TRPM3: variants seen among roughly 807,000 people sequenced by gnomAD.
The protein encoded by TRPM3 is transient receptor potential cation channel subfamily M member 3.
TRPM3 carries 77 observed loss-of-function variants against 181.2 expected under a neutral mutation model. That is an observed-to-expected ratio of 0.42 (90% CI 0.35 to 0.51). The LOEUF (loss-of-function observed/expected upper bound fraction) is 0.51, where lower values mean the gene tolerates loss of function less well. TRPM3 is among the 20% of genes least tolerant of loss of function. The pLI, the probability that TRPM3 is intolerant of heterozygous loss-of-function variation, is 0.01. For missense variants in TRPM3, 1,759 were observed against 2,196.7 expected (o/e 0.80, Z 3.98); for synonymous variants, 745 against 796.4 (o/e 0.94, Z 1.09).
intron 1 of TRPM3, among the ~76,000 whole-genome samples, chr9:71,227,975 C>T (rs528893623): frequency 6.6e-6 from 1 of 152,252 alleles, no homozygotes; most frequent in East Asian, 1.9e-4. Context: ...TATTTTCAAA[C>T]TCATTCTATG....
At chr9:70,753,134 T>A (rs945134488) in intron 8 of TRPM3, among the ~76,000 whole-genome samples, 5 of 152,048 alleles carry the variant, frequency 3.3e-5, no homozygotes, top group Non-Finnish European at 5.9e-5. Flanking sequence ...TACACTATGA[T>A]GTTCACACAA....
At chr9:71,191,698 G>T (rs184291175) in intron 1 of TRPM3, among the ~76,000 whole-genome samples, 1 of 151,262 alleles carries the variant, frequency 6.6e-6, no homozygotes, top group African/African-American at 2.4e-5. Context: ...ATTTGGAGTA[G>T]TTCTTTTTAA....
intron 22 of TRPM3, among the ~76,000 whole-genome samples, chr9:70,558,349 C>A (rs1402867166): frequency 6.6e-6 from 1 of 152,184 alleles, no homozygotes; most frequent in African/African-American, 2.4e-5. Context: ...CAATTACCCC[C>A]ACCTCTAGCC....
chr9:71,369,513 C>A (rs1375145837), intron 1 of TRPM3, among the ~76,000 whole-genome samples: 1 of 151,990 alleles, frequency 6.6e-6, no homozygotes, highest in Non-Finnish European at 1.5e-5. Flanking sequence ...GAGAATGGTC[C>A]ATTTTTTATA....
At chr9:71,200,813 T>C (rs2078734258) in intron 1 of TRPM3, among the ~76,000 whole-genome samples, 1 of 152,144 alleles carries the variant, frequency 6.6e-6, no homozygotes, top group South Asian at 2.1e-4. Flanking sequence ...CTGATGGGTC[T>C]TGACTCTTTA....
chr9:70,926,866 C>A lies in TRPM3; in HGVS notation c.178-62355G>T, dbSNP rs147639704. 7.9e-4 allele frequency among the ~76,000 whole-genome samples: 120 copies of A among 152,264 alleles called. 2 individuals carry two copies. The East Asian group carries it at 0.021, about 27-fold the overall frequency. ...CTTGCAGATTTAAGATTGTAAATAT[C>A]CACACTGCAGAACATGTCCACTAAA... On this transcript the variant is annotated intron_variant, in intron 1 of 25. Transcript: ENST00000677713.
intron 1 of TRPM3, among the ~76,000 whole-genome samples, chr9:71,408,062 C>A (rs1286734253): frequency 6.6e-6 from 1 of 152,108 alleles, no homozygotes; most frequent in Non-Finnish European, 1.5e-5. Context: ...TCAACAACAA[C>A]AAAAAGGACA....
chr9:70,840,482 A>G (rs910127248), intron 5 of TRPM3, among the ~76,000 whole-genome samples: 21 of 152,254 alleles, frequency 1.4e-4, no homozygotes, highest in South Asian at 4.1e-4. Context: ...GCACACATTT[A>G]CTGAACATTT....
At chr9:71,441,103 C>T (rs557821729) in intron 1 of TRPM3, among the ~76,000 whole-genome samples, 13 of 152,194 alleles carry the variant, frequency 8.5e-5, no homozygotes, top group African/African-American at 3.1e-4. Flanking sequence ...AAAGCTGAAA[C>T]TAAATTAAAA....
intron 1 of TRPM3, among the ~76,000 whole-genome samples, chr9:71,420,590 A>G (rs1018640859): frequency 3.3e-5 from 5 of 149,448 alleles, no homozygotes; most frequent in Admixed American, 1.3e-4. Context: ...GAGAAAGAAA[A>G]AGAGAAAGAG....
intron 1 of TRPM3, among the ~76,000 whole-genome samples, chr9:71,127,292 A>AACACACACACACAC (rs60199233): frequency 0.011 from 1,520 of 143,808 alleles, 28 homozygotes; most frequent in African/African-American, 0.034. Context: ...AGCTGACCAA[A>AACACACACACACAC]ACACACACAC....
At chr9:70,870,482 C>A (rs1011182030) in intron 1 of TRPM3, among the ~76,000 whole-genome samples, 3 of 152,008 alleles carry the variant, frequency 2.0e-5, no homozygotes, top group Non-Finnish European at 4.4e-5. Context: ...TTGGTGACAG[C>A]CTTAATGACA....
intron 6 of TRPM3, among the ~76,000 whole-genome samples, chr9:70,816,871 T>C (rs1028978800): frequency 6.6e-6 from 1 of 152,216 alleles, no homozygotes. Context: ...CATATCTTTT[T>C]AGGCAGTTTG....
chr9:71,202,325 C>A (rs2078857261), intron 1 of TRPM3, among the ~76,000 whole-genome samples: 1 of 152,136 alleles, frequency 6.6e-6, no homozygotes, highest in Non-Finnish European at 1.5e-5. Context: ...CTCAGATCTC[C>A]ATGTGCGTGC....
At chr9:71,056,418 A>C (rs1448060801) in intron 1 of TRPM3, among the ~76,000 whole-genome samples, 1 of 151,918 alleles carries the variant, frequency 6.6e-6, no homozygotes, top group African/African-American at 2.4e-5. Flanking sequence ...TCATAAATAT[A>C]AAGATTAGGC....
intron 1 of TRPM3, among the ~76,000 whole-genome samples, chr9:71,067,231 T>C (rs2062046252): frequency 6.6e-6 from 1 of 152,230 alleles, no homozygotes; most frequent in Non-Finnish European, 1.5e-5. Context: ...AGAATTTTTT[T>C]TTTTAACTAG....
At chr9:71,349,630 C>A (rs2091487646) in intron 1 of TRPM3, among the ~76,000 whole-genome samples, 1 of 152,146 alleles carries the variant, frequency 6.6e-6, no homozygotes, top group South Asian at 2.1e-4. Flanking sequence ...TTAATGAATG[C>A]TCTTTCATAG....
At chr9:71,172,279 G>C (rs2076905067) in intron 1 of TRPM3, among the ~76,000 whole-genome samples, 1 of 152,092 alleles carries the variant, frequency 6.6e-6, no homozygotes, top group Non-Finnish European at 1.5e-5. Context: ...GATAGAGGTT[G>C]GTTGGGAGAG....
chr9:71,227,351 A>G (rs1256816507), intron 1 of TRPM3, among the ~76,000 whole-genome samples: 2 of 151,936 alleles, frequency 1.3e-5, no homozygotes, highest in Non-Finnish European at 2.9e-5. Flanking sequence ...AGTGAAAGCA[A>G]AACTAAGAGG....
Sources: allele counts gnomAD v4.1 joint callset (sites outside exome capture counted in the v4.1 genomes callset), GRCh38; gene constraint gnomAD v4.1.1; transcripts MANE v1.5; gene names NCBI Gene and HGNC (gene_info 2026-07-23, HGNC 2026-07-21).